Variants in HELZ observed in about 807,000 individuals in gnomAD.
HELZ encodes the protein helicase with zinc finger.
A neutral mutation model predicts 218.2 loss-of-function variants in HELZ; 23 were observed. The observed-to-expected ratio is 0.11, with a 90% CI of 0.08 to 0.15. HELZ has a LOEUF of 0.15. Ranked by LOEUF, HELZ falls within the 10% of genes least tolerant of loss-of-function variation. The pLI is 1.00. For missense variants in HELZ, 1,813 were observed against 2,353.7 expected (o/e 0.77, Z 4.75); for synonymous variants, 814 against 829.4 (o/e 0.98, Z 0.32).
intron 32 of HELZ, among the ~76,000 whole-genome samples, chr17:67,079,361 T>C (rs1449088022): frequency 6.6e-6 from 1 of 152,234 alleles, no homozygotes; most frequent in Non-Finnish European, 1.5e-5. Context: ...CTTAAGTTGT[T>C]GTTTTATTTT....
At chr17:67,244,747 C>A in intron 1 of HELZ, 1 of 984,444 alleles carries the variant, frequency 1.0e-6, no homozygotes, top group Non-Finnish European at 1.2e-6. Context: ...GTGGGAGGCC[C>A]GCACGCTCCC....
rs1410092936 is a variant in HELZ, at chr17:67,218,887, A to G, written c.-18-65T>C. The G allele has an allele frequency of 2.6e-6, 3 of 1,167,170 alleles. No homozygotes were observed. The African/African-American group carries it at 4.6e-5, about 18-fold the overall frequency. The allele number at this position is 1,167,170 out of a possible 1,614,324, so 72.3% of individuals were successfully genotyped here. On this transcript the variant is annotated intron_variant, in intron 3 of 32. Transcript: ENST00000358691. ...CTTATTAATTATAAATTCTAGCCCC[A>G]TTCCTATCTCAGCTGGCTTAATTAT...
At chr17:67,106,345 G>A (rs2037100099) in intron 31 of HELZ, among the ~76,000 whole-genome samples, 1 of 150,058 alleles carries the variant, frequency 6.7e-6, no homozygotes, top group Non-Finnish European at 1.5e-5. Context: ...GTCTTGCTCT[G>A]TCGCCCACGC....
intron 2 of HELZ, among the ~76,000 whole-genome samples, chr17:67,241,955 CAT>C (rs2041323969): frequency 6.6e-6 from 1 of 152,352 alleles, no homozygotes; most frequent in South Asian, 2.1e-4. Flanking sequence ...ACAGAGTCTA[CAT>C]GTGTGAGAAC....
chr17:67,124,702 G>C (rs752195399), intron 24 of HELZ, among the ~76,000 whole-genome samples: 9 of 152,076 alleles, frequency 5.9e-5, no homozygotes, highest in Non-Finnish European at 8.8e-5. Context: ...GGCACAGAGA[G>C]CATGGTTTAT....
At chr17:67,135,732 G>C (rs925328558) in intron 23 of HELZ, among the ~76,000 whole-genome samples, 2 of 152,222 alleles carry the variant, frequency 1.3e-5, no homozygotes, top group Non-Finnish European at 2.9e-5. Context: ...GAAGCTGGAA[G>C]AGTGCTTAGA....
chr17:67,227,452 G>A (rs1196635699), intron 3 of HELZ, among the ~76,000 whole-genome samples: 3 of 152,154 alleles, frequency 2.0e-5, no homozygotes, highest in African/African-American at 7.2e-5. Flanking sequence ...CTCCCAAAGT[G>A]CTGGGATTAC....
At chr17:67,226,114 T>C (rs1374978794) in intron 3 of HELZ, among the ~76,000 whole-genome samples, 1 of 151,312 alleles carries the variant, frequency 6.6e-6, no homozygotes, top group Non-Finnish European at 1.5e-5. Flanking sequence ...ACAAAAATTA[T>C]CTGGGTGTGG....
chr17:67,191,069 ACCCT>A (rs1179589326), intron 9 of HELZ, among the ~76,000 whole-genome samples: 7,687 of 152,124 alleles, frequency 0.051, 657 homozygotes, highest in African/African-American at 0.18. Flanking sequence ...ACACAGGTAT[ACCCT>A]ACTTCCCAAA....
In HELZ at chr17:67,075,498, T is replaced by C. The variant is rs1292337045; in HGVS notation, c.*2754A>G. On this transcript the variant is annotated 3_prime_UTR_variant, in exon 33 of 33. Transcript: ENST00000358691. ...AACCTAGCATATAAGTTATGTTTCA[T>C]AAATCTGATTTATGGGTACTTGCTA... 6.6e-6 allele frequency: 1 copy of C among 152,210 alleles called. No homozygotes were observed. 9.4% of individuals were successfully genotyped at this position (152,210 alleles called of 1,614,324 possible).
At position 67,149,999 on chromosome 17, in the gene HELZ, C is replaced by T. The variant is rs201041037; in HGVS notation, c.2357-14G>A. The T allele has an allele frequency of 1.1e-4, 173 of 1,531,634 alleles. No homozygotes were observed. Among genetic ancestry groups the T allele is most frequent in the Middle Eastern group, 1.7e-4 (1 of 5,886 alleles). The allele number at this position is 1,531,634 out of a possible 1,614,324, so 94.9% of individuals were successfully genotyped here. The stretch of plus-strand genomic sequence containing the variant: ...GTGTAAAAAACCCTAGAAAATGCAG[C>T]ATAAACACAGGATAGCACGCTAGAG... On this transcript the variant is annotated splice_polypyrimidine_tract_variant and intron_variant, in intron 18 of 32. Coordinates refer to ENST00000358691, the MANE Select transcript of HELZ (RefSeq NM_014877.4).
chr17:67,220,229 T>C (rs1267886917), intron 3 of HELZ, among the ~76,000 whole-genome samples: 1 of 152,016 alleles, frequency 6.6e-6, no homozygotes, highest in Non-Finnish European at 1.5e-5. Context: ...CAGTGCAAGA[T>C]GAGGGGAGAA....
chr17:67,090,662 GCA>G (rs1269487074), intron 31 of HELZ, among the ~76,000 whole-genome samples: 3 of 152,054 alleles, frequency 2.0e-5, no homozygotes. Flanking sequence ...GAATGTATGT[GCA>G]CAGAGTTGTT....
chr17:67,221,491 C>G (rs2040743570), intron 3 of HELZ, among the ~76,000 whole-genome samples: 1 of 152,182 alleles, frequency 6.6e-6, no homozygotes, highest in African/African-American at 2.4e-5. Context: ...CGTAAGAAAA[C>G]AAAGCTAATA....
At chr17:67,194,927 T>C (rs757189599) in intron 8 of HELZ, among the ~76,000 whole-genome samples, 1 of 151,628 alleles carries the variant, frequency 6.6e-6, no homozygotes, top group Non-Finnish European at 1.5e-5. Flanking sequence ...TCTAAGTCAG[T>C]ACATGTTTTG....
chr17:67,086,176 C>T (rs1598182443), intron 32 of HELZ, among the ~76,000 whole-genome samples: 1 of 152,158 alleles, frequency 6.6e-6, no homozygotes, highest in Admixed American at 6.5e-5. Flanking sequence ...AAACTTTTCC[C>T]AAACAAAGGT....
At chr17:67,163,786 G>A (rs764398900) in intron 15 of HELZ, among the ~76,000 whole-genome samples, 29 of 151,904 alleles carry the variant, frequency 1.9e-4, no homozygotes, top group Non-Finnish European at 3.5e-4. Context: ...CTCCCACCTC[G>A]GCCTCCCCAA....
At chr17:67,151,643 G>T (rs545369283) in intron 17 of HELZ, among the ~76,000 whole-genome samples, 65 of 152,224 alleles carry the variant, frequency 4.3e-4, no homozygotes, top group African/African-American at 1.5e-3. Flanking sequence ...ACAAAAAACA[G>T]TGAATTGCAT....
chr17:67,085,240 G>A lies in HELZ; in HGVS notation c.5494+1589C>T, dbSNP rs185340832. ...TTGAGACCAGCCTGGGAAACATGGC[G>A]AAACCCCATTTCTACAAAAATAAAC... On this transcript the variant is annotated intron_variant, in intron 32 of 32. Transcript: ENST00000358691. Among the ~76,000 whole-genome samples the A allele has an allele frequency of 5.9e-3, 900 of 152,132 alleles. 1 individual carries two copies. Among genetic ancestry groups the A allele is most frequent in the Non-Finnish European group, 9.7e-3 (657 of 67,984 alleles).
Sources: allele counts gnomAD v4.1 joint callset (sites outside exome capture counted in the v4.1 genomes callset), GRCh38; gene constraint gnomAD v4.1.1; transcripts MANE v1.5; gene names NCBI Gene and HGNC (gene_info 2026-07-23, HGNC 2026-07-21).